PLXDC2: variants seen among roughly 807,000 people sequenced by gnomAD.
PLXDC2 encodes plexin domain-containing protein 2.
In PLXDC2, 40 loss-of-function variants were observed where a neutral mutation model predicts 68.9. The observed-to-expected ratio is 0.58, with a 90% CI of 0.45 to 0.76. The LOEUF (loss-of-function observed/expected upper bound fraction) is 0.76. Among genes scored for constraint, PLXDC2 ranks in the 30% least tolerant of loss-of-function variants. PLXDC2 has a pLI of 0.00. For synonymous variants in PLXDC2, 243 were observed against 234.2 expected, an observed-to-expected ratio of 1.04 and a Z score of -0.34; for missense variants, 644 against 661.9, an observed-to-expected ratio of 0.97 and a Z score of 0.30.
chr10:20,162,060 GAGAGAGAGAGA>G (rs754243482), intron 6 of PLXDC2, among the ~76,000 whole-genome samples: 96 of 116,028 alleles, frequency 8.3e-4, no homozygotes, highest in Middle Eastern at 4.0e-3. Context: ...GAGAGAGAGA[GAGAGAGAGAGA>G]GAAGGAAGGA....
At chr10:20,258,582 GT>G (rs1033684699) in intron 13 of PLXDC2, among the ~76,000 whole-genome samples, 1 of 152,006 alleles carries the variant, frequency 6.6e-6, no homozygotes, top group Non-Finnish European at 1.5e-5. Context: ...TGGACAAAGT[GT>G]TTTTTTCTTC....
chr10:19,896,385 A>G (rs1037995983), intron 1 of PLXDC2, among the ~76,000 whole-genome samples: 1 of 152,232 alleles, frequency 6.6e-6, no homozygotes, highest in Non-Finnish European at 1.5e-5. Context: ...TTTTGGCTGG[A>G]TGCTTTGCTA....
intron 1 of PLXDC2, among the ~76,000 whole-genome samples, chr10:19,939,314 A>C (rs574957215): frequency 6.6e-6 from 1 of 152,312 alleles, no homozygotes; most frequent in South Asian, 2.1e-4. Flanking sequence ...TTGGCTACAG[A>C]TTGAGTTGGG....
intron 12 of PLXDC2, among the ~76,000 whole-genome samples, chr10:20,224,939 G>T (rs1835266590): frequency 1.3e-5 from 2 of 152,118 alleles, no homozygotes; most frequent in Non-Finnish European, 2.9e-5. Context: ...TTATGAACCT[G>T]AACTCTGAAA....
intron 1 of PLXDC2, among the ~76,000 whole-genome samples, chr10:19,955,774 C>T (rs76329554): frequency 1.7e-3 from 264 of 152,240 alleles, no homozygotes; most frequent in Non-Finnish European, 1.7e-3. Flanking sequence ...CATGGCACTT[C>T]ATTTAAAATT....
intron 1 of PLXDC2, among the ~76,000 whole-genome samples, chr10:19,826,966 G>T: frequency 6.6e-6 from 1 of 152,158 alleles, no homozygotes; most frequent in East Asian, 1.9e-4. Flanking sequence ...GCATCTACTT[G>T]TGTTGGTCTT....
At chr10:19,921,852 A>AT (rs1017132661) in intron 1 of PLXDC2, among the ~76,000 whole-genome samples, 8 of 151,578 alleles carry the variant, frequency 5.3e-5, no homozygotes, top group Non-Finnish European at 1.2e-4. Context: ...TAATTGTTCA[A>AT]TTTTTTTTAA....
chr10:20,186,664 T>G (rs1408552932), intron 9 of PLXDC2, among the ~76,000 whole-genome samples: 1 of 151,966 alleles, frequency 6.6e-6, no homozygotes, highest in Non-Finnish European at 1.5e-5. Context: ...AAACATGCAG[T>G]ATTTGGTTTT....
At chr10:20,070,863 G>A (rs887460151) in intron 4 of PLXDC2, 1 of 152,096 alleles carries the variant, frequency 6.6e-6, no homozygotes, top group African/African-American at 2.4e-5. Flanking sequence ...CAGCCAATAT[G>A]AAGTAAGATT....
At chr10:19,933,347 A>T (rs190521163) in intron 1 of PLXDC2, among the ~76,000 whole-genome samples, 5 of 152,304 alleles carry the variant, frequency 3.3e-5, no homozygotes, top group Admixed American at 3.3e-4. Flanking sequence ...TAGAGCAGTT[A>T]AAACACATAT....
rs1053122619 is a variant in PLXDC2 at position 20,046,247 on chromosome 10, A to G, written c.325-622A>G. On this transcript the variant is annotated intron_variant, in intron 2 of 13. Transcript: ENST00000377252. ...TTCTGGTGACAAATTAGATCTTTGTACCCAGTATATATTTCCTTCCAAGTC... is the reference window on the plus strand; with the variant it reads ...TTCTGGTGACAAATTAGATCTTTGTGCCCAGTATATATTTCCTTCCAAGTC... Among the ~76,000 whole-genome samples, 3 of 152,056 alleles carry G rather than the reference A, an allele frequency of 2.0e-5. No homozygotes were observed. In the East Asian group the frequency reaches 5.8e-4, roughly 29 times the overall value.
chr10:20,220,278 G>A (rs1380250155), intron 12 of PLXDC2, among the ~76,000 whole-genome samples: 1 of 152,110 alleles, frequency 6.6e-6, no homozygotes, highest in East Asian at 1.9e-4. Flanking sequence ...CTTCAATTAA[G>A]AATTTCCCAG....
At chr10:20,203,768 G>A (rs1375182720) in intron 9 of PLXDC2, among the ~76,000 whole-genome samples, 2 of 152,188 alleles carry the variant, frequency 1.3e-5, no homozygotes, top group African/African-American at 2.4e-5. Flanking sequence ...CTGCACCTCT[G>A]CAAGATGCCA....
At chr10:20,263,780 C>T (rs1835838206) in intron 13 of PLXDC2, among the ~76,000 whole-genome samples, 1 of 152,146 alleles carries the variant, frequency 6.6e-6, no homozygotes, top group African/African-American at 2.4e-5. Context: ...TACCATCTTA[C>T]ACCCGTCAGA....
At chr10:20,065,196 T>C (rs983587034) in intron 3 of PLXDC2, among the ~76,000 whole-genome samples, 3 of 152,196 alleles carry the variant, frequency 2.0e-5, no homozygotes, top group Admixed American at 1.3e-4. Context: ...TCAGAAGGGA[T>C]GTCATGTGTA....
intron 4 of PLXDC2, among the ~76,000 whole-genome samples, chr10:20,103,799 C>G (rs1253177296): frequency 6.6e-6 from 1 of 152,098 alleles, no homozygotes; most frequent in African/African-American, 2.4e-5. Context: ...TGCGCCACCA[C>G]GCCCAGCTAA....
chr10:19,938,605 C>G (rs1564633822), intron 1 of PLXDC2, among the ~76,000 whole-genome samples: 1 of 152,140 alleles, frequency 6.6e-6, no homozygotes. Flanking sequence ...CCCTGTGATC[C>G]AATCACCTCC....
intron 5 of PLXDC2, 37 bp from the exon 6 acceptor site, chr10:20,147,747 T>G: frequency 7.6e-7 from 1 of 1,310,924 alleles, no homozygotes; most frequent in South Asian, 1.3e-5. Context: ...GGTATGTTTT[T>G]CTCATTGCAT....
chr10:20,014,890 A>ATT (rs397821935), intron 2 of PLXDC2, among the ~76,000 whole-genome samples: 18 of 150,918 alleles, frequency 1.2e-4, no homozygotes, highest in Admixed American at 4.0e-4. Context: ...CAAAGAGAAC[A>ATT]TTTTTTTTTT....
Sources: gnomAD v4.1 joint callset for allele counts (sites outside exome capture counted in the v4.1 genomes callset) on GRCh38, gnomAD v4.1.1 for gene constraint, MANE v1.5 for transcripts, NCBI Gene and HGNC (gene_info 2026-07-23, HGNC 2026-07-21) for gene names.